IPO11: variants seen among roughly 807,000 people sequenced by gnomAD.
The protein encoded by IPO11 is importin 11, also known as importin-11.
Under a neutral mutation model 143.2 loss-of-function variants are expected in IPO11, and 66 were observed. The ratio of observed to expected loss-of-function variants is 0.46; its 90% CI spans 0.38 to 0.57. IPO11 has a LOEUF of 0.57. IPO11 is among the 20% of genes least tolerant of loss of function. The probability of loss-of-function intolerance (pLI) is 0.00; values close to 1 mark genes in which losing one functional copy is unlikely to be tolerated. For synonymous variants in IPO11, 385 were observed against 377.8 expected (o/e 1.02, Z -0.22); for missense variants, 1,026 against 1,141.0 (o/e 0.90, Z 1.45).
rs150205549 is a variant in IPO11, at chr5:62,489,962, A to ATAACT, written c.1358-150_1358-149insCTTAA. Among the ~76,000 whole-genome samples the ATAACT allele has an allele frequency of 9.1e-3, 1,388 of 152,366 alleles. 18 individuals are homozygous for ATAACT. Among genetic ancestry groups the ATAACT allele is most frequent in the African/African-American group, 0.031 (1,308 of 41,592 alleles). ...CATGAAGTAAAATAGTGTTTCTAAA[A>ATAACT]TAAATTATTTCTTCTACTTAAATTA... On this transcript the variant is annotated intron_variant, in intron 14 of 29. Coordinates refer to ENST00000325324, the MANE Select transcript of IPO11 (RefSeq NM_016338.5).
At chr5:62,475,558 C>G (rs139904830) in intron 8 of IPO11, among the ~76,000 whole-genome samples, 1 of 152,196 alleles carries the variant, frequency 6.6e-6, no homozygotes, top group Non-Finnish European at 1.5e-5. Flanking sequence ...TGTATTTCTA[C>G]TGCAGCTACC....
At chr5:62,481,623 G>A (rs909117672) in intron 9 of IPO11, among the ~76,000 whole-genome samples, 4 of 152,146 alleles carry the variant, frequency 2.6e-5, no homozygotes, top group African/African-American at 7.2e-5. Flanking sequence ...CTTGATCATG[G>A]CAGATAAGCT....
intron 29 of IPO11, among the ~76,000 whole-genome samples, chr5:62,612,956 A>G (rs912516716): frequency 2.6e-5 from 4 of 152,238 alleles, no homozygotes; most frequent in African/African-American, 9.6e-5. Flanking sequence ...GGGCTGAAGG[A>G]TATGTGTTTT....
At chr5:62,484,254 A>G (rs1444205926) in intron 11 of IPO11, 92 bp downstream of exon 11, 1 of 1,028,410 alleles carries the variant, frequency 9.7e-7, no homozygotes, top group Non-Finnish European at 1.3e-6. Flanking sequence ...ATTTTCATAC[A>G]GCACTTTTGA....
At chr5:62,483,365 C>A (rs1746279075) in intron 10 of IPO11, 72 bp downstream of exon 10, 2 of 907,332 alleles carry the variant, frequency 2.2e-6, no homozygotes, top group Non-Finnish European at 3.2e-6. Context: ...TAATTACAAA[C>A]TTTTTAAAAA....
intron 27 of IPO11, among the ~76,000 whole-genome samples, chr5:62,588,738 A>G (rs1357808427): frequency 6.6e-6 from 1 of 152,168 alleles, no homozygotes; most frequent in African/African-American, 2.4e-5. Context: ...CAATTTCTCC[A>G]TATGTATATC....
At chr5:62,486,232 G>A (rs776910427) in intron 12 of IPO11, among the ~76,000 whole-genome samples, 46 of 151,900 alleles carry the variant, frequency 3.0e-4, no homozygotes, top group Non-Finnish European at 4.4e-5. Flanking sequence ...CACCCGCCTC[G>A]GCCTCCCTAA....
At chr5:62,501,978 A>G (rs1213316524) in intron 16 of IPO11, among the ~76,000 whole-genome samples, 1 of 152,212 alleles carries the variant, frequency 6.6e-6, no homozygotes, top group African/African-American at 2.4e-5. Flanking sequence ...TGCTATGGGC[A>G]AGATGTAAAA....
At chr5:62,423,285 T>C (rs1020334586) in intron 1 of IPO11, among the ~76,000 whole-genome samples, 4 of 152,234 alleles carry the variant, frequency 2.6e-5, no homozygotes, top group African/African-American at 9.6e-5. Flanking sequence ...GAAATCATAA[T>C]TTCTGTTACT....
At position 62,515,486 on chromosome 5, in the gene IPO11, T is replaced by G; in HGVS notation, c.1881T>G (p.Leu627=). The G allele has an allele frequency of 1.2e-6, 2 of 1,602,132 alleles. No homozygotes were observed. Among genetic ancestry groups the G allele is most frequent in the South Asian group, 2.3e-5 (2 of 88,174 alleles). Residue 627 remains leucine, a synonymous_variant, in exon 20 of 30, where the codon CTT becomes CTG. Coordinates refer to ENST00000325324, the MANE Select transcript of IPO11 (RefSeq NM_016338.5). ...TGAGATGTGCTATTTTGACAACACT[T>G]ATTCATCTTGTTCAGGTAAGTCACT... ...NMLRCAILTT[L]IHLVQGLGAD...
chr5:62,581,301 T>G, intron 27 of IPO11: 1 of 1,507,036 alleles, frequency 6.6e-7, no homozygotes, highest in Non-Finnish European at 8.8e-7. Context: ...AACATTCTGC[T>G]TTATAACTCA....
At chr5:62,426,409 T>A (rs1561304815) in intron 1 of IPO11, among the ~76,000 whole-genome samples, 2 of 151,584 alleles carry the variant, frequency 1.3e-5, no homozygotes, top group Non-Finnish European at 2.9e-5. Context: ...ACAAACAAAC[T>A]ATTGCTTACC....
chr5:62,456,038 C>T lies in IPO11; in HGVS notation c.516+4105C>T, dbSNP rs114558843. ...CTGTGCCTGGCCAGGAATTCATTTTCTTTTTTTTGAGAAGGGGTCTCGCTT... is the reference window on the plus strand; with the variant it reads ...CTGTGCCTGGCCAGGAATTCATTTTTTTTTTTTTGAGAAGGGGTCTCGCTT... On this transcript the variant is annotated intron_variant, in intron 5 of 29. Coordinates refer to ENST00000325324, the MANE Select transcript of IPO11 (RefSeq NM_016338.5). 3.3e-3 allele frequency among the ~76,000 whole-genome samples: 504 copies of T among 151,922 alleles called. 1 individual carries two copies. The highest frequency in any genetic ancestry group is 0.012 in the African/African-American group (484 of 41,418).
chr5:62,523,837 G>A (rs1742280460), intron 20 of IPO11, among the ~76,000 whole-genome samples: 1 of 152,304 alleles, frequency 6.6e-6, no homozygotes. Flanking sequence ...TATATCATCA[G>A]TGTGTTCATG....
In IPO11 at chr5:62,574,227, A is replaced by G. The variant is rs559970956; in HGVS notation, c.2582+12970A>G. 2.0e-5 allele frequency among the ~76,000 whole-genome samples: 3 copies of G among 152,284 alleles called. No homozygotes were observed. The South Asian group carries it at 6.2e-4, about 32-fold the overall frequency. ...AGAAAATAATTTCACAAAGGTTATTATAGTTATTGGAAGAGGCTTAGCTCT... is the reference window on the plus strand; with the variant it reads ...AGAAAATAATTTCACAAAGGTTATTGTAGTTATTGGAAGAGGCTTAGCTCT... On this transcript the variant is annotated intron_variant, in intron 27 of 29. Transcript: ENST00000325324.
At chr5:62,553,821 C>A (rs563365685) in intron 26 of IPO11, among the ~76,000 whole-genome samples, 6 of 151,948 alleles carry the variant, frequency 3.9e-5, no homozygotes, top group African/African-American at 1.2e-4. Context: ...GGCACGATCT[C>A]GGCTTACTGC....
intron 9 of IPO11, among the ~76,000 whole-genome samples, chr5:62,480,551 AT>A (rs1207190594): frequency 2.6e-4 from 39 of 152,034 alleles, no homozygotes; most frequent in Non-Finnish European, 8.8e-5. Context: ...TTTTCACGAT[AT>A]TGATTCTTCC....
chr5:62,431,925 A>G (rs1744000956), intron 1 of IPO11, among the ~76,000 whole-genome samples: 1 of 141,560 alleles, frequency 7.1e-6, no homozygotes, highest in Non-Finnish European at 1.5e-5. Context: ...TGGGTGACAG[A>G]GCAAGACTCA....
At chr5:62,618,522 T>C (rs1375333801) in intron 29 of IPO11, among the ~76,000 whole-genome samples, 1 of 152,148 alleles carries the variant, frequency 6.6e-6, no homozygotes, top group Non-Finnish European at 1.5e-5. Flanking sequence ...TTGTTCTTCT[T>C]CTTAAAAAAC....
Sources: allele counts gnomAD v4.1 joint callset (sites outside exome capture counted in the v4.1 genomes callset), GRCh38; gene constraint gnomAD v4.1.1; transcripts MANE v1.5; gene names NCBI Gene and HGNC (gene_info 2026-07-23, HGNC 2026-07-21).